CPQ: variants seen among roughly 807,000 people sequenced by gnomAD.
CPQ encodes the protein Ser-Met dipeptidase.
Under a neutral mutation model 45.7 loss-of-function variants are expected in CPQ, and 37 were observed. The ratio of observed to expected loss-of-function variants is 0.81; its 90% CI spans 0.62 to 1.07. The LOEUF (loss-of-function observed/expected upper bound fraction) is 1.07. Among genes scored for constraint, CPQ ranks in the 50% least tolerant of loss-of-function variants. CPQ has a pLI of 0.00. For synonymous variants in CPQ, 186 were observed against 205.8 expected (o/e 0.90, Z 0.82); for missense variants, 537 against 572.9 (o/e 0.94, Z 0.64).
chr8:96,667,124 G>A (rs529302974), intron 1 of CPQ, among the ~76,000 whole-genome samples: 2 of 152,010 alleles, frequency 1.3e-5, no homozygotes, highest in Non-Finnish European at 2.9e-5. Context: ...CCCGCCATTT[G>A]GACATTACAG....
rs1174428920 is a variant in CPQ, at chr8:96,708,468, G to A, written c.-35+63066G>A. 2.7e-5 allele frequency among the ~76,000 whole-genome samples: 4 copies of A among 150,662 alleles called. No homozygotes were observed. In the East Asian group the frequency reaches 7.8e-4, roughly 29 times the overall value. On this transcript the variant is annotated intron_variant, in intron 1 of 7. Coordinates refer to ENST00000220763, the MANE Select transcript of CPQ (RefSeq NM_016134.4). ...ATATATATATATATATACATTGTTT[G>A]TTGGGCCTATACCTATATTTCATCC...
Position 96,966,896 on chromosome 8 carries a change from C to G in CPQ, c.961+850C>G, listed in dbSNP as rs867684250. Reference sequence around the variant, plus strand: ...GGGCATATAGGTTTAAAGGATGTCCCCTGTTCTTAAGACTCTTAGAATGGA... The same window carrying G: ...GGGCATATAGGTTTAAAGGATGTCCGCTGTTCTTAAGACTCTTAGAATGGA... On this transcript the variant is annotated intron_variant, in intron 5 of 7. Transcript: ENST00000220763. Among the ~76,000 whole-genome samples, 3 of 152,098 alleles carry G rather than the reference C, an allele frequency of 2.0e-5. No homozygotes were observed. The South Asian group carries it at 6.2e-4, about 31-fold the overall frequency.
intron 5 of CPQ, among the ~76,000 whole-genome samples, chr8:96,986,929 GA>G (rs1483762676): frequency 1.3e-5 from 2 of 152,094 alleles, no homozygotes; most frequent in Non-Finnish European, 2.9e-5. Flanking sequence ...GAAATCTGGG[GA>G]ATATAGATAC....
chr8:96,932,463 T>A (rs1191270696), intron 4 of CPQ, among the ~76,000 whole-genome samples: 1 of 152,218 alleles, frequency 6.6e-6, no homozygotes. Context: ...CTCATCCACA[T>A]TGATATATCT....
At chr8:96,742,535 T>C (rs1409305340) in intron 1 of CPQ, among the ~76,000 whole-genome samples, 1 of 152,166 alleles carries the variant, frequency 6.6e-6, no homozygotes, top group Admixed American at 6.5e-5. Flanking sequence ...TAGCTGGTTA[T>C]TTTGCTCCTT....
chr8:96,991,450 A>G (rs1297501900), intron 5 of CPQ, among the ~76,000 whole-genome samples: 2 of 151,798 alleles, frequency 1.3e-5, no homozygotes, highest in Admixed American at 6.6e-5. Flanking sequence ...TGGCTACTCT[A>G]GAGGCTGAGG....
chr8:96,879,715 A>T, intron 3 of CPQ, 83 bp from the exon 4 acceptor site: 1 of 905,492 alleles, frequency 1.1e-6, no homozygotes, highest in Non-Finnish European at 1.8e-6. Flanking sequence ...AGTGGAAGTT[A>T]AATATCAATA....
At chr8:96,886,718 T>C (rs1005812224) in intron 4 of CPQ, among the ~76,000 whole-genome samples, 3 of 152,214 alleles carry the variant, frequency 2.0e-5, no homozygotes, top group Admixed American at 6.5e-5. Context: ...CTCTAAGAGA[T>C]TCCATTATGC....
chr8:96,991,825 G>T (rs985065076), intron 5 of CPQ, among the ~76,000 whole-genome samples: 3 of 152,068 alleles, frequency 2.0e-5, no homozygotes, highest in African/African-American at 7.2e-5. Flanking sequence ...TGATGTTGTT[G>T]TTATGTCTCC....
chr8:96,801,455 T>C (rs1191996968), intron 2 of CPQ, among the ~76,000 whole-genome samples: 1 of 152,204 alleles, frequency 6.6e-6, no homozygotes, highest in Admixed American at 6.5e-5. Flanking sequence ...ATTTTTGCTT[T>C]TGATTTTATA....
At chr8:96,718,007 G>C (rs1282677673) in intron 1 of CPQ, among the ~76,000 whole-genome samples, 1 of 152,198 alleles carries the variant, frequency 6.6e-6, no homozygotes, top group Non-Finnish European at 1.5e-5. Context: ...CAGGCAGTCT[G>C]CATCAGGACT....
intron 3 of CPQ, among the ~76,000 whole-genome samples, chr8:96,857,305 G>A (rs914916922): frequency 6.6e-6 from 1 of 152,184 alleles, no homozygotes; most frequent in African/African-American, 2.4e-5. Flanking sequence ...AGGGGCATCT[G>A]CATGTTTATT....
At chr8:96,826,644 G>A (rs1284572227) in intron 2 of CPQ, among the ~76,000 whole-genome samples, 1 of 151,772 alleles carries the variant, frequency 6.6e-6, no homozygotes, top group Non-Finnish European at 1.5e-5. Context: ...TTAAGTTCTG[G>A]GGTACATATG....
intron 7 of CPQ, among the ~76,000 whole-genome samples, chr8:97,100,932 C>G (rs1173378707): frequency 1.3e-5 from 2 of 152,092 alleles, no homozygotes; most frequent in East Asian, 3.9e-4. Flanking sequence ...AATAATTTTA[C>G]AGTTCAATTT....
chr8:96,740,247 G>A (rs1411212897), intron 1 of CPQ, among the ~76,000 whole-genome samples: 6 of 152,124 alleles, frequency 3.9e-5, no homozygotes, highest in Non-Finnish European at 8.8e-5. Context: ...GTTCACTCAT[G>A]ATTTGGCTCT....
chr8:97,104,441 A>G (rs1811367220), intron 7 of CPQ, among the ~76,000 whole-genome samples: 1 of 152,194 alleles, frequency 6.6e-6, no homozygotes, highest in Admixed American at 6.5e-5. Context: ...TTGGTAAATC[A>G]TAGTAGCCTC....
At chr8:96,657,810 G>T (rs537679905) in intron 1 of CPQ, among the ~76,000 whole-genome samples, 1 of 152,180 alleles carries the variant, frequency 6.6e-6, no homozygotes, top group Non-Finnish European at 1.5e-5. Flanking sequence ...GCTTTTAACA[G>T]GTTGAGATGA....
intron 5 of CPQ, among the ~76,000 whole-genome samples, chr8:96,967,412 C>T (rs1193037047): frequency 6.6e-6 from 1 of 152,150 alleles, no homozygotes; most frequent in Non-Finnish European, 1.5e-5. Flanking sequence ...AAACTGTAAG[C>T]TTCAGAGTAT....
intron 4 of CPQ, among the ~76,000 whole-genome samples, chr8:96,924,836 TA>T (rs1406539363): frequency 6.6e-6 from 1 of 152,350 alleles, no homozygotes; most frequent in East Asian, 1.9e-4. Context: ...AGTCAAAGTT[TA>T]AATGCCATCT....
Sources: gnomAD v4.1 joint callset for allele counts (sites outside exome capture counted in the v4.1 genomes callset) on GRCh38, gnomAD v4.1.1 for gene constraint, MANE v1.5 for transcripts, NCBI Gene and HGNC (gene_info 2026-07-23, HGNC 2026-07-21) for gene names.